CENPW: variants seen among roughly 807,000 people sequenced by gnomAD.
CENPW encodes centromere protein W.
In CENPW, 3 loss-of-function variants were observed where a neutral mutation model predicts 11.1. The observed-to-expected ratio is 0.27, with a 90% CI of 0.12 to 0.70. CENPW has a LOEUF of 0.70. Among genes scored for constraint, CENPW ranks in the 30% least tolerant of loss-of-function variants. The probability of loss-of-function intolerance (pLI) is 0.77; values close to 1 mark genes in which losing one functional copy is unlikely to be tolerated. For missense variants in CENPW, 100 were observed against 105.6 expected, an observed-to-expected ratio of 0.95 and a Z score of 0.23; for synonymous variants, 38 against 42.0, an observed-to-expected ratio of 0.91 and a Z score of 0.37.
chr6:126,465,976 AG>A, the CENPW span, among the ~76,000 whole-genome samples: 2 of 152,144 alleles, frequency 1.3e-5, no homozygotes, highest in Non-Finnish European at 2.9e-5. Context: ...ACAAAGCTAC[AG>A]TGACAGTAAA....
At chr6:126,369,544 TG>T in the CENPW span, among the ~76,000 whole-genome samples, 1 of 152,222 alleles carries the variant, frequency 6.6e-6, no homozygotes, top group Non-Finnish European at 1.5e-5. Flanking sequence ...TGTTGAGCAT[TG>T]TTTCATATGT....
chr6:126,407,089 C>T, the CENPW span, among the ~76,000 whole-genome samples: 1 of 152,164 alleles, frequency 6.6e-6, no homozygotes, highest in Non-Finnish European at 1.5e-5. Context: ...CTATACCCAT[C>T]ACCTCCCCAA....
chr6:126,388,347 G>C, the CENPW span, among the ~76,000 whole-genome samples: 1 of 151,952 alleles, frequency 6.6e-6, no homozygotes, highest in Non-Finnish European at 1.5e-5. Context: ...ACAGGGCAGG[G>C]GGAAAAAGGC....
the CENPW span, among the ~76,000 whole-genome samples, chr6:126,404,459 C>T: frequency 1.3e-5 from 2 of 152,052 alleles, no homozygotes; most frequent in African/African-American, 4.8e-5. Context: ...GTGAACAGTG[C>T]TGCAGTAAAC....
the CENPW span, among the ~76,000 whole-genome samples, chr6:126,367,872 T>C: frequency 6.6e-6 from 1 of 152,178 alleles, no homozygotes; most frequent in Non-Finnish European, 1.5e-5. Context: ...AAAGTGTTTG[T>C]TTAGTGTCTA....
At chr6:126,438,966 A>G in the CENPW span, among the ~76,000 whole-genome samples, 2 of 151,912 alleles carry the variant, frequency 1.3e-5, no homozygotes, top group Admixed American at 1.3e-4. Context: ...ACATAGATAC[A>G]AAAGAGTATA....
chr6:126,381,936 A>T, the CENPW span, among the ~76,000 whole-genome samples: 2 of 152,064 alleles, frequency 1.3e-5, no homozygotes, highest in African/African-American at 2.4e-5. Flanking sequence ...GACTGAACCC[A>T]CCTCAGAGCG....
the CENPW span, among the ~76,000 whole-genome samples, chr6:126,462,738 A>G: frequency 6.6e-6 from 1 of 151,932 alleles, no homozygotes; most frequent in Non-Finnish European, 1.5e-5. Flanking sequence ...TTACCCTTCT[A>G]TTGTAATATA....
At chr6:126,361,197 ATAGTTTCAG>A in the CENPW span, among the ~76,000 whole-genome samples, 3 of 152,220 alleles carry the variant, frequency 2.0e-5, no homozygotes, top group African/African-American at 4.8e-5. Flanking sequence ...TTTTGGTGTT[ATAGTTTCAG>A]CTGTTATCCA....
chr6:126,407,719 T>C, the CENPW span, among the ~76,000 whole-genome samples: 1 of 152,218 alleles, frequency 6.6e-6, no homozygotes, highest in Non-Finnish European at 1.5e-5. Flanking sequence ...TTTGGTTGCA[T>C]GAATGTCTTC....
the CENPW span, among the ~76,000 whole-genome samples, chr6:126,368,969 C>G: frequency 6.6e-6 from 1 of 152,076 alleles, no homozygotes; most frequent in Non-Finnish European, 1.5e-5. Context: ...GTGCCTAGTC[C>G]ATTGTATTAT....
the CENPW span, among the ~76,000 whole-genome samples, chr6:126,414,765 A>C: frequency 1.3e-5 from 2 of 151,874 alleles, no homozygotes; most frequent in Non-Finnish European, 2.9e-5. Context: ...GAGAAAAATA[A>C]ATATTAAAAA....
chr6:126,349,680 C>T (rs1385006784), downstream of CENPW, among the ~76,000 whole-genome samples: 2 of 151,910 alleles, frequency 1.3e-5, no homozygotes. Flanking sequence ...TATGGAATTA[C>T]CACAGTTTGT....
chr6:126,451,346 A>C, the CENPW span, among the ~76,000 whole-genome samples: 1 of 150,936 alleles, frequency 6.6e-6, no homozygotes, highest in Non-Finnish European at 1.5e-5. Flanking sequence ...CAGTATACCA[A>C]GAAAAAGCCT....
the CENPW span, among the ~76,000 whole-genome samples, chr6:126,404,191 A>T: frequency 6.6e-6 from 1 of 152,120 alleles, no homozygotes; most frequent in Non-Finnish European, 1.5e-5. Flanking sequence ...TTACCTGGTC[A>T]TCCAAGAGCT....
chr6:126,412,613 T>C, the CENPW span, among the ~76,000 whole-genome samples: 125 of 152,284 alleles, frequency 8.2e-4, no homozygotes, highest in Non-Finnish European at 1.4e-3. Context: ...AAAATCCAAT[T>C]TCAGCCATTA....
At chr6:126,415,096 T>TA in the CENPW span, among the ~76,000 whole-genome samples, 2 of 152,102 alleles carry the variant, frequency 1.3e-5, no homozygotes, top group Non-Finnish European at 2.9e-5. Flanking sequence ...GAACCTGTAA[T>TA]AAAAAATCTC....
the CENPW span, among the ~76,000 whole-genome samples, chr6:126,455,917 A>G: frequency 9.2e-5 from 14 of 151,404 alleles, no homozygotes; most frequent in East Asian, 2.1e-3. Context: ...TAGCATTTCT[A>G]TATGCCTACA....
In CENPW at chr6:126,348,459, C is replaced by A; in HGVS notation, c.241-7C>A. 7.4e-7 allele frequency: 1 copy of A among 1,342,726 alleles called. No individual in the cohort carries two copies. The highest frequency in any genetic ancestry group is 1.1e-6 in the Non-Finnish European group (1 of 938,838). The allele number at this position is 1,342,726 out of a possible 1,614,324, so 83.2% of individuals were successfully genotyped here. ...TAATATGAATCTTATTTTTTTCCCTCTTACAGGTAATTCTAAAGAAGAGCA... is the reference window on the plus strand; with the variant it reads ...TAATATGAATCTTATTTTTTTCCCTATTACAGGTAATTCTAAAGAAGAGCA... On this transcript the variant is annotated splice_polypyrimidine_tract_variant and splice_region_variant and intron_variant, in intron 2 of 2. Coordinates refer to ENST00000368328, the MANE Select transcript of CENPW (RefSeq NM_001012507.4).
Sources: gnomAD v4.1 joint callset for allele counts (sites outside exome capture counted in the v4.1 genomes callset) on GRCh38, gnomAD v4.1.1 for gene constraint, MANE v1.5 for transcripts, NCBI Gene and HGNC (gene_info 2026-07-23, HGNC 2026-07-21) for gene names.